CDC42BPA: variants seen among roughly 807,000 people sequenced by gnomAD.
CDC42BPA encodes CDC42 binding protein kinase alpha, also known as serine/threonine-protein kinase MRCK alpha.
A neutral mutation model predicts 223.5 loss-of-function variants in CDC42BPA; 80 were observed. The observed-to-expected ratio is 0.36, with a 90% CI of 0.30 to 0.43. The LOEUF (loss-of-function observed/expected upper bound fraction) is 0.43, where lower values mean the gene tolerates loss of function less well. Among genes scored for constraint, CDC42BPA ranks in the 20% least tolerant of loss-of-function variants. The probability of loss-of-function intolerance (pLI) is 1.00; values close to 1 mark genes in which losing one functional copy is unlikely to be tolerated. For missense variants in CDC42BPA, 1,743 were observed against 2,099.9 expected, an observed-to-expected ratio of 0.83 and a Z score of 3.32; for synonymous variants, 694 against 718.6, an observed-to-expected ratio of 0.97 and a Z score of 0.55.
chr1:227,017,554 T>C (rs1385038922), intron 32 of CDC42BPA, among the ~76,000 whole-genome samples: 1 of 152,158 alleles, frequency 6.6e-6, no homozygotes, highest in African/African-American at 2.4e-5. Context: ...GTTCAGTCTA[T>C]GAGATACGGA....
At chr1:227,254,899 C>T (rs1184044368) in intron 1 of CDC42BPA, among the ~76,000 whole-genome samples, 1 of 151,946 alleles carries the variant, frequency 6.6e-6, no homozygotes, top group Non-Finnish European at 1.5e-5. Flanking sequence ...TGTAGATATT[C>T]CAGGCAAGAG....
At chr1:227,196,207 A>G (rs764450094) in intron 4 of CDC42BPA, among the ~76,000 whole-genome samples, 2 of 152,110 alleles carry the variant, frequency 1.3e-5, no homozygotes, top group Non-Finnish European at 2.9e-5. Flanking sequence ...ATATAATTCT[A>G]GAAGTCTTCG....
chr1:227,016,153 T>A lies in CDC42BPA; in HGVS notation c.4784A>T (p.Asn1595Ile). The A allele has an allele frequency of 6.2e-7, 1 of 1,602,152 alleles. No homozygotes were observed. The highest frequency in any genetic ancestry group is 8.6e-7 in the Non-Finnish European group (1 of 1,169,386). The stretch of plus-strand genomic sequence containing the variant: ...TGCTATGTGATTAAAATTAGTTGGA[T>A]TAGAAATTAATTTATTTCTCATTTC... ...DPEMRNKLIS[N>I]PTNFNHIAHM... Residue 1595 changes from asparagine to isoleucine, a missense_variant, in exon 34 of 37, where the codon AAT becomes ATT. Coordinates refer to ENST00000366766, the MANE Select transcript of CDC42BPA (RefSeq NM_001394014.1).
At chr1:227,202,332 C>T (rs1671928316) in intron 3 of CDC42BPA, among the ~76,000 whole-genome samples, 1 of 152,018 alleles carries the variant, frequency 6.6e-6, no homozygotes, top group Admixed American at 6.6e-5. Context: ...ATACTTACTA[C>T]CAAGTCCTGT....
intron 16 of CDC42BPA, among the ~76,000 whole-genome samples, chr1:227,086,728 G>A (rs1425280534): frequency 6.8e-6 from 1 of 147,862 alleles, no homozygotes; most frequent in Non-Finnish European, 1.5e-5. Flanking sequence ...GGGTAGTGGT[G>A]TCATCTCCAC....
intron 2 of CDC42BPA, among the ~76,000 whole-genome samples, chr1:227,221,355 C>A (rs548477035): frequency 8.5e-5 from 13 of 152,206 alleles, no homozygotes; most frequent in African/African-American, 2.9e-4. Flanking sequence ...ACTATCTATA[C>A]CCTTATTTGT....
chr1:227,157,358 T>G (rs963832807), intron 6 of CDC42BPA, among the ~76,000 whole-genome samples: 11 of 152,214 alleles, frequency 7.2e-5, no homozygotes, highest in Non-Finnish European at 7.4e-5. Flanking sequence ...CTCTCATTTT[T>G]GAGGGATATT....
chr1:227,072,321 A>G (rs769821844), intron 19 of CDC42BPA, 22 bp from the exon 20 acceptor site: 14 of 1,385,520 alleles, frequency 1.0e-5, no homozygotes, highest in African/African-American at 1.4e-5. Flanking sequence ...AGAAAAAAGG[A>G]AAAATGTCAT....
At chr1:227,144,771 G>A (rs964759181) in intron 8 of CDC42BPA, among the ~76,000 whole-genome samples, 3 of 152,062 alleles carry the variant, frequency 2.0e-5, no homozygotes, top group Non-Finnish European at 1.5e-5. Context: ...TATTGGACTG[G>A]CCGAATAATT....
chr1:227,239,221 T>C (rs377486330), intron 2 of CDC42BPA, among the ~76,000 whole-genome samples: 2 of 152,128 alleles, frequency 1.3e-5, no homozygotes, highest in East Asian at 1.9e-4. Flanking sequence ...GGCAAAAGTA[T>C]GGAGATTATA....
rs577684869 is a variant in CDC42BPA, at chr1:227,124,496, G to C, written c.1514-4559C>G. On this transcript the variant is annotated intron_variant, in intron 11 of 36. Coordinates refer to ENST00000366766, the MANE Select transcript of CDC42BPA (RefSeq NM_001394014.1). Reference sequence around the variant, plus strand: ...AGGTATATATATTTTTTTCTTCAGAGCCAAATTAAAGTTGGGGCTACTCAT... The same window carrying C: ...AGGTATATATATTTTTTTCTTCAGACCCAAATTAAAGTTGGGGCTACTCAT... Among the ~76,000 whole-genome samples, 234 of 151,964 alleles carry C rather than the reference G, an allele frequency of 1.5e-3. 2 individuals are homozygous for C. The highest frequency in any genetic ancestry group is 5.4e-3 in the African/African-American group (224 of 41,448).
At chr1:227,092,070 A>G (rs1184194087) in intron 15 of CDC42BPA, 79 bp from the exon 16 acceptor site, 1 of 726,098 alleles carries the variant, frequency 1.4e-6, no homozygotes, top group East Asian at 2.7e-5. Context: ...TCCAATAGTT[A>G]CATAAAACAC....
In CDC42BPA at chr1:227,139,600, G is replaced by T; in HGVS notation, c.1366C>A (p.Leu456Ile). The change falls in exon 10 of 37, where the codon CTT becomes ATT. Residue 456 changes from leucine (L) to isoleucine (I), a missense_variant. Coordinates refer to ENST00000366766, the MANE Select transcript of CDC42BPA (RefSeq NM_001394014.1). Reference sequence around the variant, plus strand: ...CCTTGAAGTTTTCTACTGAGTTCAAGTTTTTCTTGCTCAAGGCGCTTAATT... The same window carrying T: ...CCTTGAAGTTTTCTACTGAGTTCAATTTTTTCTTGCTCAAGGCGCTTAATT... ...RRIKRLEQEKLELSRKLQEST... is the reference protein window; with the variant it reads ...RRIKRLEQEKIELSRKLQEST... The T allele has an allele frequency of 6.3e-7, 1 of 1,598,626 alleles. No homozygotes were observed. Among genetic ancestry groups the T allele is most frequent in the Admixed American group, 1.8e-5 (1 of 56,878 alleles).
At chr1:227,109,176 G>A (rs567981418) in intron 14 of CDC42BPA, among the ~76,000 whole-genome samples, 1 of 152,196 alleles carries the variant, frequency 6.6e-6, no homozygotes, top group East Asian at 1.9e-4. Context: ...GAAGGCCTAG[G>A]ACATTACTGT....
intron 1 of CDC42BPA, among the ~76,000 whole-genome samples, chr1:227,311,743 T>C (rs1246685190): frequency 6.6e-6 from 1 of 151,976 alleles, no homozygotes; most frequent in African/African-American, 2.4e-5. Flanking sequence ...AAAAATACCC[T>C]ATCATTCAAC....
intron 4 of CDC42BPA, among the ~76,000 whole-genome samples, chr1:227,197,384 T>C (rs1017043010): frequency 6.6e-6 from 1 of 152,160 alleles, no homozygotes; most frequent in Non-Finnish European, 1.5e-5. Context: ...AAAGAAACAC[T>C]GGCAAGTTAC....
chr1:227,152,640 T>A (rs1347932055), intron 6 of CDC42BPA, among the ~76,000 whole-genome samples: 1 of 152,098 alleles, frequency 6.6e-6, no homozygotes, highest in Non-Finnish European at 1.5e-5. Flanking sequence ...CAAGCATACA[T>A]GCAAAGAAAC....
chr1:227,260,951 G>A (rs1683929294), intron 1 of CDC42BPA, among the ~76,000 whole-genome samples: 2 of 150,876 alleles, frequency 1.3e-5, no homozygotes, highest in Admixed American at 6.6e-5. Flanking sequence ...TCTAAATTCT[G>A]TAATACTGTG....
chr1:227,100,773 T>TGTGTGTGTGTGTGC (rs1417516900), intron 15 of CDC42BPA, among the ~76,000 whole-genome samples: 3 of 130,740 alleles, frequency 2.3e-5, no homozygotes, highest in Non-Finnish European at 4.9e-5. Flanking sequence ...TGTGTGTGTG[T>TGTGTGTGTGTGTGC]GTGTGCGTGT....
Sources: allele counts gnomAD v4.1 joint callset (sites outside exome capture counted in the v4.1 genomes callset), GRCh38; gene constraint gnomAD v4.1.1; transcripts MANE v1.5; gene names NCBI Gene and HGNC (gene_info 2026-07-23, HGNC 2026-07-21).